NGEF: variants seen among roughly 807,000 people sequenced by gnomAD.
NGEF encodes ephexin-1.
In NGEF, 31 loss-of-function variants were observed where a neutral mutation model predicts 80.9. That is an observed-to-expected ratio of 0.38 (90% CI 0.29 to 0.52). The LOEUF is 0.52. Ranked by LOEUF, NGEF falls within the 20% of genes least tolerant of loss-of-function variation. The pLI is 0.84. For synonymous variants in NGEF, 371 were observed against 370.2 expected, an observed-to-expected ratio of 1.00 and a Z score of -0.03; for missense variants, 709 against 926.2, an observed-to-expected ratio of 0.77 and a Z score of 3.04.
chr2:232,895,518 C>T (rs1692027048), intron 5 of NGEF, among the ~76,000 whole-genome samples: 1 of 125,926 alleles, frequency 7.9e-6, no homozygotes, highest in Non-Finnish European at 1.7e-5. Flanking sequence ...CAGAGTGAGA[C>T]TCTGTCTTAA....
intron 6 of NGEF, chr2:232,894,498 C>G (rs1287515879): frequency 1.3e-5 from 4 of 319,308 alleles, no homozygotes; most frequent in Non-Finnish European, 2.3e-5. Flanking sequence ...CTGGGGCCAG[C>G]AGGATGCTCA....
intron 1 of NGEF, among the ~76,000 whole-genome samples, chr2:232,983,055 C>G (rs913068991): frequency 6.6e-6 from 1 of 152,222 alleles, no homozygotes; most frequent in Non-Finnish European, 1.5e-5. Flanking sequence ...CACAGGGAGA[C>G]AGCTGTCACC....
chr2:233,001,239 G>A (rs1694971545), intron 1 of NGEF, among the ~76,000 whole-genome samples: 1 of 152,224 alleles, frequency 6.6e-6, no homozygotes, highest in Admixed American at 6.5e-5. Context: ...CTAGGCATGA[G>A]ACAGACCTCT....
rs1695251346 is a variant in NGEF, at chr2:233,013,184, G to A, written c.-191C>T. The stretch of plus-strand genomic sequence containing the variant: ...TGTGTCCCCGGCTAAATCCACAGGC[G>A]CTCCACTCTGTCCCAGAGAGCCCAC... On this transcript the variant is annotated 5_prime_UTR_variant, in exon 1 of 15. Coordinates refer to ENST00000264051, the MANE Select transcript of NGEF (RefSeq NM_019850.3). 2 of 470,984 alleles carry A rather than the reference G, an allele frequency of 4.2e-6. No individual in the cohort carries two copies. The highest frequency in any genetic ancestry group is 8.8e-6 in the Non-Finnish European group (2 of 227,056). The allele number at this position is 470,984 out of a possible 1,614,324, so 29.2% of individuals were successfully genotyped here.
chr2:232,988,121 C>A (rs1312598000), intron 1 of NGEF, among the ~76,000 whole-genome samples: 2 of 150,866 alleles, frequency 1.3e-5, no homozygotes, highest in Non-Finnish European at 2.9e-5. Context: ...ATGCCTCCTA[C>A]CGCTGTGCGC....
intron 2 of NGEF, among the ~76,000 whole-genome samples, chr2:232,972,409 C>G (rs922298787): frequency 5.3e-5 from 8 of 152,144 alleles, no homozygotes; most frequent in Admixed American, 4.6e-4. Context: ...TTTATTTGTA[C>G]TTTTTAAATG....
At chr2:232,946,404 ACAC>A (rs1489489566) in intron 3 of NGEF, among the ~76,000 whole-genome samples, 2 of 152,186 alleles carry the variant, frequency 1.3e-5, no homozygotes, top group Non-Finnish European at 1.5e-5. Context: ...ATATAACAAA[ACAC>A]CACCTGTTTC....
chr2:232,993,265 A>G (rs905909740), intron 1 of NGEF, among the ~76,000 whole-genome samples: 2 of 110,488 alleles, frequency 1.8e-5, no homozygotes, highest in African/African-American at 6.9e-5. Flanking sequence ...GCCCATATAT[A>G]TGAATTGGCA....
At chr2:232,948,147 A>ATGTGTGTGTGTGTG (rs375640068) in intron 3 of NGEF, among the ~76,000 whole-genome samples, 52 of 141,654 alleles carry the variant, frequency 3.7e-4, no homozygotes, top group African/African-American at 1.2e-3. Context: ...TAGCCTGGAG[A>ATGTGTGTGTGTGTG]TGTGTGTGTG....
At chr2:232,882,083 C>T in intron 13 of NGEF, 103 bp downstream of exon 13, 1 of 1,066,512 alleles carries the variant, frequency 9.4e-7, no homozygotes, top group Non-Finnish European at 1.4e-6. Flanking sequence ...AGACCACCAG[C>T]TCAGGGAGGG....
At chr2:232,950,598 C>G (rs1456808506) in intron 3 of NGEF, among the ~76,000 whole-genome samples, 1 of 152,244 alleles carries the variant, frequency 6.6e-6, no homozygotes, top group African/African-American at 2.4e-5. Flanking sequence ...GCAGGCAAGA[C>G]AGCAGTGTTC....
chr2:232,944,669 G>T (rs1693513427), intron 3 of NGEF, among the ~76,000 whole-genome samples: 1 of 148,970 alleles, frequency 6.7e-6, no homozygotes, highest in South Asian at 2.1e-4. Context: ...AAGAAAAAAA[G>T]AGAAATTAAT....
intron 5 of NGEF, among the ~76,000 whole-genome samples, chr2:232,899,246 G>T (rs1395610953): frequency 6.8e-6 from 1 of 147,882 alleles, no homozygotes; most frequent in Non-Finnish European, 1.5e-5. Flanking sequence ...AGGGGGGCGT[G>T]TGAACGTACG....
At chr2:232,889,851 G>A (rs1691818956) in intron 8 of NGEF, among the ~76,000 whole-genome samples, 1 of 152,126 alleles carries the variant, frequency 6.6e-6, no homozygotes, top group Admixed American at 6.6e-5. Context: ...CTGCCCCTAG[G>A]TCTTTGGCCT....
At chr2:232,895,108 A>G (rs1038722756) in intron 5 of NGEF, among the ~76,000 whole-genome samples, 192 bp from the exon 6 acceptor site, 1 of 151,986 alleles carries the variant, frequency 6.6e-6, no homozygotes, top group African/African-American at 2.4e-5. Context: ...TAGTGAGGCC[A>G]CTCTTCCTAG....
intron 1 of NGEF, among the ~76,000 whole-genome samples, chr2:232,999,533 C>T (rs933054557): frequency 1.3e-5 from 2 of 152,232 alleles, no homozygotes; most frequent in East Asian, 1.9e-4. Context: ...CCAGCAGCTG[C>T]TGCCATGTGT....
chr2:232,990,288 C>T (rs1270260845), intron 1 of NGEF, among the ~76,000 whole-genome samples: 1 of 151,820 alleles, frequency 6.6e-6, no homozygotes, highest in African/African-American at 2.4e-5. Context: ...ATTATAGTAA[C>T]AAAGCCAGAA....
chr2:232,988,590 C>T (rs1033809054), intron 1 of NGEF, among the ~76,000 whole-genome samples: 4 of 152,188 alleles, frequency 2.6e-5, no homozygotes, highest in African/African-American at 4.8e-5. Flanking sequence ...ATAGCAAATA[C>T]GCTTTGACCC....
chr2:232,879,430 C>G lies in NGEF; in HGVS notation c.*59G>C, dbSNP rs944533256. ...CCTGTGCTTCCCAGAGCCCCCCCCCCCCCACCTTCTGTCGGGGTCTCATGC... is the reference window on the plus strand; with the variant it reads ...CCTGTGCTTCCCAGAGCCCCCCCCCGCCCACCTTCTGTCGGGGTCTCATGC... On this transcript the variant is annotated 3_prime_UTR_variant, in exon 15 of 15. Transcript: ENST00000264051. 26 of 1,465,560 alleles carry G rather than the reference C, an allele frequency of 1.8e-5. No individual in the cohort carries two copies. The highest frequency in any genetic ancestry group is 4.2e-4 in the Middle Eastern group (2 of 4,750). 90.8% of individuals were successfully genotyped at this position (1,465,560 alleles called of 1,614,324 possible). A position where few individuals can be genotyped will look rare whatever the true frequency, so the allele number is the denominator to read the frequency against.
Sources: gnomAD v4.1 joint callset for allele counts (sites outside exome capture counted in the v4.1 genomes callset) on GRCh38, gnomAD v4.1.1 for gene constraint, MANE v1.5 for transcripts, NCBI Gene and HGNC (gene_info 2026-07-23, HGNC 2026-07-21) for gene names.